Variants in ZCWPW2 observed in about 807,000 individuals in gnomAD.
ZCWPW2 encodes zinc finger CW-type PWWP domain protein 2.
In ZCWPW2, 45 loss-of-function variants were observed where a neutral mutation model predicts 46.6. The ratio of observed to expected loss-of-function variants is 0.96; its 90% confidence interval spans 0.76 to 1.24. The LOEUF (loss-of-function observed/expected upper bound fraction) is 1.24, where lower values mean the gene tolerates loss of function less well. Among genes scored for constraint, ZCWPW2 ranks in the 50% most tolerant of loss-of-function variants. The pLI is 0.00. For synonymous variants in ZCWPW2, 152 were observed against 137.1 expected, an observed-to-expected ratio of 1.11 and a Z score of -0.76; for missense variants, 429 against 403.9, an observed-to-expected ratio of 1.06 and a Z score of -0.53.
At chr3:28,514,818 C>A (rs1982558) in intron 7 of ZCWPW2, among the ~76,000 whole-genome samples, 3 of 152,040 alleles carry the variant, frequency 2.0e-5, no homozygotes, top group Admixed American at 6.6e-5. Context: ...TAGTGTTTAT[C>A]GTTGAACCAG....
intron 4 of ZCWPW2, among the ~76,000 whole-genome samples, chr3:28,439,080 T>C (rs111871669): frequency 6.9e-6 from 1 of 145,634 alleles, no homozygotes; most frequent in Non-Finnish European, 1.5e-5. Context: ...TGTATACACA[T>C]ATATATACAC....
intron 2 of ZCWPW2, among the ~76,000 whole-genome samples, chr3:28,404,545 A>C (rs559833089): frequency 6.6e-6 from 1 of 152,148 alleles, no homozygotes; most frequent in Non-Finnish European, 1.5e-5. Flanking sequence ...GAGAGAAAAA[A>C]GTTATTATAT....
chr3:28,509,528 G>C (rs1367586086), intron 6 of ZCWPW2, among the ~76,000 whole-genome samples: 1 of 152,064 alleles, frequency 6.6e-6, no homozygotes, highest in Non-Finnish European at 1.5e-5. Flanking sequence ...AGCTATCCTA[G>C]TGGGTTGAAG....
chr3:28,492,302 TTAGTA>T (rs1699837934), intron 6 of ZCWPW2, 129 bp downstream of exon 6: 8 of 756,120 alleles, frequency 1.1e-5, no homozygotes, highest in Non-Finnish European at 1.6e-5. Context: ...GAATGTTACT[TTAGTA>T]TATGTTTCCT....
At position 28,492,875 on chromosome 3, in the gene ZCWPW2, G is replaced by A. The variant is rs1327455593; in HGVS notation, c.657+702G>A. 2.0e-5 allele frequency among the ~76,000 whole-genome samples: 3 copies of A among 151,972 alleles called. No homozygotes were observed. The East Asian group carries it at 5.8e-4, about 29-fold the overall frequency. On this transcript the variant is annotated intron_variant, in intron 6 of 9. Transcript: ENST00000383768. ...ATTATGATAGAATGAAAAGCCTATG[G>A]TGAGATTTCCCGTGTTGAGTGGTGA...
intron 1 of ZCWPW2, among the ~76,000 whole-genome samples, chr3:28,361,516 A>G (rs1373730978): frequency 2.1e-5 from 3 of 143,876 alleles, no homozygotes; most frequent in African/African-American, 7.4e-5. Context: ...CACAGGAATA[A>G]AAGCAAAAAT....
chr3:28,355,611 T>C (rs187677463), intron 1 of ZCWPW2, among the ~76,000 whole-genome samples: 1 of 152,344 alleles, frequency 6.6e-6, no homozygotes, highest in African/African-American at 2.4e-5. Flanking sequence ...ACTGCAAGGC[T>C]ACAGTAACCA....
chr3:28,379,736 A>G (rs1461951742), intron 1 of ZCWPW2, among the ~76,000 whole-genome samples: 2 of 152,266 alleles, frequency 1.3e-5, no homozygotes, highest in East Asian at 3.9e-4. Context: ...TGTGAATTAT[A>G]TCTCACAATA....
chr3:28,486,830 C>T (rs1457601442), intron 5 of ZCWPW2, among the ~76,000 whole-genome samples: 3 of 151,492 alleles, frequency 2.0e-5, no homozygotes, highest in African/African-American at 7.3e-5. Context: ...TGTGCTACTG[C>T]ACTCTGACCT....
intron 1 of ZCWPW2, among the ~76,000 whole-genome samples, chr3:28,360,074 T>G (rs1433384152): frequency 6.6e-6 from 1 of 152,016 alleles, no homozygotes; most frequent in Non-Finnish European, 1.5e-5. Context: ...CATTGTGTAC[T>G]GATTATAAGA....
chr3:28,357,792 A>G (rs950798630), intron 1 of ZCWPW2, among the ~76,000 whole-genome samples: 5 of 140,988 alleles, frequency 3.5e-5, no homozygotes, highest in Non-Finnish European at 6.0e-5. Flanking sequence ...TATAGTTGGT[A>G]TATTTTATAT....
At chr3:28,517,873 C>T (rs1401725256) in intron 8 of ZCWPW2, among the ~76,000 whole-genome samples, 2 of 152,144 alleles carry the variant, frequency 1.3e-5, no homozygotes, top group East Asian at 1.9e-4. Flanking sequence ...TGGTGGCTCA[C>T]GCCTGTAATC....
At chr3:28,471,033 C>T (rs1164313048) in intron 4 of ZCWPW2, among the ~76,000 whole-genome samples, 1 of 152,056 alleles carries the variant, frequency 6.6e-6, no homozygotes, top group Non-Finnish European at 1.5e-5. Flanking sequence ...CTAGACCGTA[C>T]AACCTACCAA....
intron 4 of ZCWPW2, among the ~76,000 whole-genome samples, chr3:28,454,027 G>C (rs982777500): frequency 6.6e-6 from 1 of 151,222 alleles, no homozygotes; most frequent in African/African-American, 2.4e-5. Context: ...TGTATTTTTA[G>C]TAGAGACGGG....
At chr3:28,433,801 A>C (rs940726560) in intron 3 of ZCWPW2, among the ~76,000 whole-genome samples, 18 of 151,412 alleles carry the variant, frequency 1.2e-4, no homozygotes, top group African/African-American at 4.4e-4. Flanking sequence ...AACTTACTTC[A>C]TCACTTCATC....
chr3:28,497,422 C>A (rs1193706945), intron 6 of ZCWPW2, among the ~76,000 whole-genome samples: 1 of 151,978 alleles, frequency 6.6e-6, no homozygotes, highest in Non-Finnish European at 1.5e-5. Context: ...ATTGACCAGT[C>A]ATATATTGAT....
chr3:28,377,200 G>C (rs1330740467), intron 1 of ZCWPW2, among the ~76,000 whole-genome samples: 1 of 151,810 alleles, frequency 6.6e-6, no homozygotes, highest in Admixed American at 6.6e-5. Context: ...CATATGTCAT[G>C]CATTAAAGAT....
chr3:28,448,414 T>C (rs1004354320), intron 4 of ZCWPW2, among the ~76,000 whole-genome samples: 4 of 152,056 alleles, frequency 2.6e-5, no homozygotes, highest in Non-Finnish European at 5.9e-5. Context: ...TACAAAACAT[T>C]GGTGAACAAA....
At chr3:28,523,398 C>CATTT (rs555614070) in intron 9 of ZCWPW2, among the ~76,000 whole-genome samples, 11 of 152,156 alleles carry the variant, frequency 7.2e-5, no homozygotes, top group South Asian at 6.2e-4. Flanking sequence ...TGTTGGATTT[C>CATTT]ATTTATTTAT....
Sources: allele counts gnomAD v4.1 joint callset (sites outside exome capture counted in the v4.1 genomes callset), GRCh38; gene constraint gnomAD v4.1.1; transcripts MANE v1.5; gene names NCBI Gene and HGNC (gene_info 2026-07-23, HGNC 2026-07-21).